Variants in RABGEF1 observed in about 807,000 individuals in gnomAD.
The protein encoded by RABGEF1 is RAB guanine nucleotide exchange factor 1, also known as rab5 GDP/GTP exchange factor.
RABGEF1 carries 26 observed loss-of-function variants against 57.3 expected under a neutral mutation model. The observed-to-expected ratio is 0.45, with a 90% CI of 0.33 to 0.63. The LOEUF is 0.63. Among genes scored for constraint, RABGEF1 ranks in the 20% least tolerant of loss-of-function variants. The pLI is 0.02. For synonymous variants in RABGEF1, 185 were observed against 210.7 expected, an observed-to-expected ratio of 0.88 and a Z score of 1.06; for missense variants, 464 against 607.6, an observed-to-expected ratio of 0.76 and a Z score of 2.48.
intron 4 of RABGEF1, among the ~76,000 whole-genome samples, chr7:66,784,527 C>T (rs552705674): frequency 1.1e-4 from 17 of 152,202 alleles, no homozygotes; most frequent in South Asian, 2.1e-4. Context: ...TCTGTTGTAA[C>T]ATTCTATAAC....
chr7:66,660,597 C>T, the RABGEF1 span, among the ~76,000 whole-genome samples: 1 of 151,814 alleles, frequency 6.6e-6, no homozygotes, highest in Non-Finnish European at 1.5e-5. Context: ...CACTCCATTG[C>T]ACTCCAGCCT....
intron 1 of RABGEF1, among the ~76,000 whole-genome samples, chr7:66,760,551 C>T (rs1441454327): frequency 2.0e-5 from 3 of 150,150 alleles, no homozygotes; most frequent in Non-Finnish European, 2.9e-5. Context: ...TCAAGTGATT[C>T]TCCTGCCTCA....
intron 1 of RABGEF1, among the ~76,000 whole-genome samples, chr7:66,759,205 ATTCG>A (rs1157239208): frequency 2.0e-5 from 3 of 152,314 alleles, no homozygotes; most frequent in South Asian, 2.1e-4. Flanking sequence ...AGGTTTCGTA[ATTCG>A]TTCGAGGCTC....
chr7:66,691,489 A>G (rs1462604500), intron 1 of RABGEF1, among the ~76,000 whole-genome samples: 1 of 151,554 alleles, frequency 6.6e-6, no homozygotes, highest in African/African-American at 2.4e-5. Flanking sequence ...ATGCTGAGTG[A>G]AAAAAATTGG....
chr7:66,779,660 A>G (rs1309611215), intron 3 of RABGEF1, among the ~76,000 whole-genome samples: 2 of 149,642 alleles, frequency 1.3e-5, no homozygotes, highest in Admixed American at 6.7e-5. Context: ...TGACAGAGCG[A>G]GACCCTGATT....
In RABGEF1 at chr7:66,775,276, G is replaced by A; in HGVS notation, c.229G>A (p.Gly77Arg). 1.2e-6 allele frequency: 2 copies of A among 1,613,898 alleles called. No homozygotes were observed. The highest frequency in any genetic ancestry group is 2.2e-5 in the South Asian group (2 of 91,064). Residue 77 changes from glycine (G) to arginine (R), a missense_variant, in exon 3 of 9, where the codon GGG becomes AGG. Physicochemically the swap from Gly to Arg is moderately radical, Grantham distance 125. Coordinates refer to ENST00000284957, the MANE Select transcript of RABGEF1 (RefSeq NM_014504.3). ...CTTTGCCAGCAGTCAGAGCAGCCAA[G>A]GGGCCCAATCCCTCACATTCTCCAA... ...EAFASSQSSQ[G>R]AQSLTFSKFE...
chr7:66,731,296 T>C (rs555515595), intron 2 of RABGEF1, among the ~76,000 whole-genome samples: 36 of 152,034 alleles, frequency 2.4e-4, no homozygotes, highest in Non-Finnish European at 4.9e-4. Flanking sequence ...CCAGGAGGCC[T>C]TGGAAAACCA....
intron 2 of RABGEF1, among the ~76,000 whole-genome samples, chr7:66,725,291 A>C (rs1562739700): frequency 6.6e-6 from 1 of 152,122 alleles, no homozygotes; most frequent in Non-Finnish European, 1.5e-5. Flanking sequence ...CCATCATCAT[A>C]ATCAATTTTA....
At chr7:66,704,939 T>C (rs1219978027) in intron 1 of RABGEF1, among the ~76,000 whole-genome samples, 1 of 152,200 alleles carries the variant, frequency 6.6e-6, no homozygotes, top group Non-Finnish European at 1.5e-5. Context: ...ACCACCAAAC[T>C]GTCTTCCAAA....
chr7:66,731,421 A>G (rs781505279), intron 2 of RABGEF1, among the ~76,000 whole-genome samples: 32 of 152,098 alleles, frequency 2.1e-4, no homozygotes, highest in Non-Finnish European at 4.0e-4. Context: ...TGGCTGGTAA[A>G]TAAGGATCTT....
chr7:66,707,204 C>T (rs971991849), intron 1 of RABGEF1, among the ~76,000 whole-genome samples: 4 of 152,190 alleles, frequency 2.6e-5, no homozygotes, highest in African/African-American at 9.7e-5. Context: ...TTTTGAATTA[C>T]TTCAGATTTT....
intron 2 of RABGEF1, among the ~76,000 whole-genome samples, chr7:66,729,371 A>C (rs1397690415): frequency 2.3e-3 from 6 of 2,580 alleles, no homozygotes. Context: ...CTTCCCTTCC[A>C]TTCTCACTCT....
At chr7:66,729,277 G>A (rs1189067510) in intron 2 of RABGEF1, among the ~76,000 whole-genome samples, 4 of 129,096 alleles carry the variant, frequency 3.1e-5, no homozygotes, top group South Asian at 5.1e-4. Context: ...CACCATCCTC[G>A]CCTTCATCCT....
At chr7:66,686,448 C>T (rs985159558) in intron 1 of RABGEF1, among the ~76,000 whole-genome samples, 1 of 152,226 alleles carries the variant, frequency 6.6e-6, no homozygotes, top group African/African-American at 2.4e-5. Flanking sequence ...CTACAGCCTG[C>T]GTGACAGAGT....
intron 2 of RABGEF1, among the ~76,000 whole-genome samples, chr7:66,772,835 C>T (rs1403147530): frequency 6.6e-6 from 1 of 151,750 alleles, no homozygotes; most frequent in Admixed American, 6.6e-5. Flanking sequence ...TTGCTTGAAC[C>T]CAGGTATCGG....
At chr7:66,797,616 A>C in intron 6 of RABGEF1, 110 bp downstream of exon 6, 18 of 1,210,496 alleles carry the variant, frequency 1.5e-5, no homozygotes, top group Non-Finnish European at 2.1e-5. Context: ...GCAATAGCTC[A>C]TGTTCCTGCT....
chr7:66,682,495 C>A (rs1169099645), intron 1 of RABGEF1, among the ~76,000 whole-genome samples: 1 of 152,210 alleles, frequency 6.6e-6, no homozygotes, highest in Non-Finnish European at 1.5e-5. Flanking sequence ...TCGTTGCCGG[C>A]ATCTCCAGCG....
At chr7:66,806,797 C>T (rs921345961) in intron 8 of RABGEF1, among the ~76,000 whole-genome samples, 1 of 151,910 alleles carries the variant, frequency 6.6e-6, no homozygotes, top group African/African-American at 2.4e-5. Context: ...ATGTGTGTCA[C>T]CATGCCCGGC....
At chr7:66,775,564 T>C (rs1398094054) in intron 3 of RABGEF1, among the ~76,000 whole-genome samples, 171 bp downstream of exon 3, 4 of 152,214 alleles carry the variant, frequency 2.6e-5, no homozygotes, top group Non-Finnish European at 5.9e-5. Context: ...ATCAATACTC[T>C]CTTTGGTTGA....
Sources: allele counts gnomAD v4.1 joint callset (sites outside exome capture counted in the v4.1 genomes callset), GRCh38; gene constraint gnomAD v4.1.1; transcripts MANE v1.5; gene names NCBI Gene and HGNC (gene_info 2026-07-23, HGNC 2026-07-21).